The following EMB variants were observed in gnomAD, a reference collection of about 807,000 sequenced individuals.
EMB encodes embigin.
In EMB, 31 loss-of-function variants were observed where a neutral mutation model predicts 41.4. The ratio of observed to expected loss-of-function variants is 0.75; its 90% CI spans 0.56 to 1.01. EMB has a LOEUF of 1.01. EMB is among the 50% of genes least tolerant of loss of function. The pLI, the probability that EMB is intolerant of heterozygous loss-of-function variation, is 0.00. For missense variants in EMB, 379 were observed against 388.3 expected, an observed-to-expected ratio of 0.98 and a Z score of 0.20; for synonymous variants, 137 against 140.4, an observed-to-expected ratio of 0.98 and a Z score of 0.17.
chr5:50,440,123 C>T (rs769162527), intron 1 of EMB, among the ~76,000 whole-genome samples: 1 of 152,166 alleles, frequency 6.6e-6, no homozygotes, highest in African/African-American at 2.4e-5. Flanking sequence ...CATGCACACA[C>T]ACATTTTGTT....
intron 2 of EMB, among the ~76,000 whole-genome samples, chr5:50,420,687 G>A (rs1745505577): frequency 6.6e-6 from 1 of 152,170 alleles, no homozygotes; most frequent in Non-Finnish European, 1.5e-5. Flanking sequence ...GGGCAGAAAG[G>A]GAAGTCTGCC....
intron 3 of EMB, 63 bp downstream of exon 3, chr5:50,411,134 G>A: frequency 7.0e-7 from 1 of 1,433,060 alleles, no homozygotes; most frequent in Non-Finnish European, 9.4e-7. Context: ...TGCTCAGTCA[G>A]CAAAAATATT....
intron 2 of EMB, among the ~76,000 whole-genome samples, chr5:50,419,433 T>G (rs1561136120): frequency 6.6e-6 from 1 of 152,178 alleles, no homozygotes; most frequent in Non-Finnish European, 1.5e-5. Flanking sequence ...AAGAACCATT[T>G]AAATTTTGAA....
Position 50,406,564 on chromosome 5 carries a change from AAAGAT to A in EMB, c.473-717_473-713del, listed in dbSNP as rs376213034. ...TGTAATAACTTGGTAAAGAATATTAAAAGATAAGAGCATAAACAGTACAATAAAAA... is the reference window on the plus strand; with the variant it reads ...TGTAATAACTTGGTAAAGAATATTAAAAGAGCATAAACAGTACAATAAAAA... On this transcript the variant is annotated intron_variant, in intron 4 of 8. Coordinates refer to ENST00000303221, the MANE Select transcript of EMB (RefSeq NM_198449.3). 3.6e-4 allele frequency among the ~76,000 whole-genome samples: 55 copies of A among 152,032 alleles called. 1 individual carries two copies. The East Asian group carries it at 7.0e-3, about 19-fold the overall frequency.
At chr5:50,413,757 T>A (rs1009063358) in intron 2 of EMB, among the ~76,000 whole-genome samples, 1 of 152,016 alleles carries the variant, frequency 6.6e-6, no homozygotes, top group African/African-American at 2.4e-5. Flanking sequence ...TTTGTATTTT[T>A]AGCAGAGATG....
rs1349477884 is a variant in EMB at position 50,397,193 on chromosome 5, TATTA to T, written c.*2076_*2079del. On this transcript the variant is annotated 3_prime_UTR_variant, in exon 9 of 9. Transcript: ENST00000303221. ...TTGCAGTCAATTTATATTTGGTCAA[TATTA>T]GTTAATTCATTTATCATCTCTGTAA... is the stretch of plus-strand genomic sequence containing the variant. The T allele has an allele frequency of 2.0e-5, 3 of 152,144 alleles. No homozygotes were observed. The highest frequency in any genetic ancestry group is 4.4e-5 in the Non-Finnish European group (3 of 68,022). The allele number at this position is 152,144 out of a possible 1,614,324, so 9.4% of individuals were successfully genotyped here.
intron 7 of EMB, among the ~76,000 whole-genome samples, chr5:50,401,436 T>C (rs1745161264): frequency 6.6e-6 from 1 of 152,024 alleles, no homozygotes; most frequent in Non-Finnish European, 1.5e-5. Context: ...TAGTTATAGT[T>C]GCTCAGGCCT....
Position 50,403,387 on chromosome 5 carries a change from T to G in EMB, c.668A>C (p.Lys223Thr), listed in dbSNP as rs1200269626. ...ATCTTCCTCCAAAAGTTGTGTTATC[T>G]TCAGCTTTGTTTCGTTAGCATATGT... ...NGTYANETKL[K>T]ITQLLEEDGE... Residue 223 changes from lysine (K) to threonine (T), a missense_variant, in exon 6 of 9, where the codon AAG becomes ACG. Lys to Thr is a moderately conservative substitution (Grantham distance 78). Transcript: ENST00000303221. The G allele has an allele frequency of 1.7e-5, 27 of 1,612,548 alleles. No homozygotes were observed. The highest frequency in any genetic ancestry group is 2.1e-5 in the Non-Finnish European group (25 of 1,179,144).
intron 1 of EMB, among the ~76,000 whole-genome samples, chr5:50,432,431 C>T (rs1745734689): frequency 6.6e-6 from 1 of 151,960 alleles, no homozygotes; most frequent in Non-Finnish European, 1.5e-5. Flanking sequence ...ATGAATATTA[C>T]ATATTATTCA....
rs905009897 is a variant in EMB at position 50,396,489 on chromosome 5, C to G, written c.*2784G>C. On this transcript the variant is annotated 3_prime_UTR_variant, in exon 9 of 9. Coordinates refer to ENST00000303221, the MANE Select transcript of EMB (RefSeq NM_198449.3). ...AGCATGTAAGATGGTACATGCTCTA[C>G]CAGGTATGGGGGCTTCTCTAAGACA... 1 of 151,970 alleles carries G rather than the reference C, an allele frequency of 6.6e-6. No individual in the cohort carries two copies. Among genetic ancestry groups the G allele is most frequent in the African/African-American group, 2.4e-5 (1 of 41,352 alleles). The allele number at this position is 151,970 out of a possible 1,614,324, so 9.4% of individuals were successfully genotyped here.
At chr5:50,424,858 A>T (rs993079457) in intron 2 of EMB, among the ~76,000 whole-genome samples, 4 of 152,166 alleles carry the variant, frequency 2.6e-5, no homozygotes, top group African/African-American at 9.6e-5. Flanking sequence ...ACTTCTGTTA[A>T]TATAAACAAA....
At chr5:50,433,078 C>CAA (rs55732801) in intron 1 of EMB, among the ~76,000 whole-genome samples, 1 of 134,842 alleles carries the variant, frequency 7.4e-6, no homozygotes, top group Admixed American at 7.5e-5. Flanking sequence ...ACTCTGTCTC[C>CAA]AAAAAAAAAA....
In EMB at chr5:50,398,303, T is replaced by C. The variant is rs1276315686; in HGVS notation, c.*970A>G. 6.6e-6 allele frequency: 1 copy of C among 151,964 alleles called. No homozygotes were observed. Among genetic ancestry groups the C allele is most frequent in the Non-Finnish European group, 1.5e-5 (1 of 67,960 alleles). The allele number at this position is 151,964 out of a possible 1,614,324, so 9.4% of individuals were successfully genotyped here. ...GAAGTATCCTATTTTGGAAGATAAGTCTAAGGCATTCACAGCAATAAAAAA... is the reference window on the plus strand; with the variant it reads ...GAAGTATCCTATTTTGGAAGATAAGCCTAAGGCATTCACAGCAATAAAAAA... On this transcript the variant is annotated 3_prime_UTR_variant, in exon 9 of 9. Coordinates refer to ENST00000303221, the MANE Select transcript of EMB (RefSeq NM_198449.3).
intron 2 of EMB, among the ~76,000 whole-genome samples, chr5:50,413,923 G>T (rs907649587): frequency 2.0e-5 from 3 of 152,042 alleles, no homozygotes; most frequent in Non-Finnish European, 4.4e-5. Flanking sequence ...CGGACGTCAG[G>T]TGCTATGTTT....
chr5:50,428,556 T>C, intron 1 of EMB: 1 of 999,592 alleles, frequency 1.0e-6, no homozygotes, highest in Non-Finnish European at 1.2e-6. Flanking sequence ...AGGAATCAGA[T>C]GAGAGAGCCA....
chr5:50,404,015 CA>C (rs1368062664), intron 5 of EMB, among the ~76,000 whole-genome samples: 5 of 151,878 alleles, frequency 3.3e-5, no homozygotes, highest in African/African-American at 1.2e-4. Flanking sequence ...GTGAACTGCA[CA>C]CCTTCTGTCT....
intron 1 of EMB, among the ~76,000 whole-genome samples, chr5:50,432,750 TA>T (rs35639181): frequency 0.31 from 31,143 of 98,952 alleles, 4,892 homozygotes; most frequent in Non-Finnish European, 0.42. Context: ...GAAAAACAAG[TA>T]AAAAAAAAAA....
chr5:50,403,797 C>T (rs1043065196), intron 5 of EMB, among the ~76,000 whole-genome samples: 7 of 152,020 alleles, frequency 4.6e-5, no homozygotes, highest in Non-Finnish European at 1.0e-4. Flanking sequence ...TTGCCTAGTG[C>T]TTTAAAGTAC....
At chr5:50,401,598 C>T (rs1745163754) in intron 7 of EMB, among the ~76,000 whole-genome samples, 1 of 151,980 alleles carries the variant, frequency 6.6e-6, no homozygotes, top group South Asian at 2.1e-4. Context: ...GAATTCGGAA[C>T]TCCCATCTTT....
Sources: gnomAD v4.1 joint callset for allele counts (sites outside exome capture counted in the v4.1 genomes callset) on GRCh38, gnomAD v4.1.1 for gene constraint, MANE v1.5 for transcripts, NCBI Gene and HGNC (gene_info 2026-07-23, HGNC 2026-07-21) for gene names.